The following ITGAX variants were observed in gnomAD, a reference collection of about 807,000 sequenced individuals.
The protein encoded by ITGAX is integrin subunit alpha X, also known as integrin alpha-X.
Under a neutral mutation model 140.2 loss-of-function variants are expected in ITGAX, and 99 were observed. The observed-to-expected ratio is 0.71, with a 90% CI of 0.60 to 0.83. ITGAX has a LOEUF of 0.83. Ranked by LOEUF, ITGAX falls within the 40% of genes least tolerant of loss-of-function variation. ITGAX has a pLI of 0.00. For synonymous variants in ITGAX, 631 were observed against 600.4 expected, an observed-to-expected ratio of 1.05 and a Z score of -0.75; for missense variants, 1,444 against 1,482.0, an observed-to-expected ratio of 0.97 and a Z score of 0.42.
rs943848531 is a variant in ITGAX at position 31,382,593 on chromosome 16, C to T, written c.*686C>T. On this transcript the variant is annotated 3_prime_UTR_variant, in exon 30 of 30. Coordinates refer to ENST00000268296, the MANE Select transcript of ITGAX (RefSeq NM_000887.5). ...CTCTGTGCCCCCATCACCCTCGTTTCCAGTGAATTAGTGTCATGTCAGCAT... is the reference window on the plus strand; with the variant it reads ...CTCTGTGCCCCCATCACCCTCGTTTTCAGTGAATTAGTGTCATGTCAGCAT... 1 of 726,286 alleles carries T rather than the reference C, an allele frequency of 1.4e-6. No homozygotes were observed. Among genetic ancestry groups the T allele is most frequent in the African/African-American group, 1.7e-5 (1 of 57,654 alleles). The allele number at this position is 726,286 out of a possible 1,614,324, so 45.0% of individuals were successfully genotyped here.
At position 31,381,018 on chromosome 16, in the gene ITGAX, TATGC is replaced by T; in HGVS notation, c.3387+12_3387+15del. 1.2e-6 allele frequency: 2 copies of T among 1,601,934 alleles called. No homozygotes were observed. Among genetic ancestry groups the T allele is most frequent in the Non-Finnish European group, 1.7e-6 (2 of 1,168,942 alleles). ...GCGGTACTGTACAAAGTGAGTGTTT[TATGC>T]CACTCTTGACACCACCAGCATCTGG... is the stretch of plus-strand genomic sequence containing the variant. On this transcript the variant is annotated intron_variant, in intron 29 of 29. Coordinates refer to ENST00000268296, the MANE Select transcript of ITGAX (RefSeq NM_000887.5).
At chr16:31,364,359 T>G (rs1323084301) in intron 14 of ITGAX, among the ~76,000 whole-genome samples, 1 of 145,386 alleles carries the variant, frequency 6.9e-6, no homozygotes, top group African/African-American at 2.6e-5. Context: ...CCCAGGAGGT[T>G]GAGGCTGCAG....
chr16:31,373,403 G>C lies in ITGAX; in HGVS notation c.2508+13G>C. ...GGCAGAGGGCCAGGTGCACCCTCTG[G>C]GGAAGGAGGAGGAGGCAGGGCTGGG... On this transcript the variant is annotated intron_variant, in intron 20 of 29. Coordinates refer to ENST00000268296, the MANE Select transcript of ITGAX (RefSeq NM_000887.5). 2 of 1,606,260 alleles carry C rather than the reference G, an allele frequency of 1.2e-6. No homozygotes were observed. The highest frequency in any genetic ancestry group is 1.7e-6 in the Non-Finnish European group (2 of 1,176,008).
intron 23 of ITGAX, among the ~76,000 whole-genome samples, chr16:31,378,705 A>T (rs2081041425): frequency 2.6e-5 from 4 of 151,882 alleles, no homozygotes; most frequent in Admixed American, 2.6e-4. Context: ...TCCTGGCCTC[A>T]AGTGATCCTC....
At chr16:31,367,479 C>A (rs2080903380) in intron 14 of ITGAX, among the ~76,000 whole-genome samples, 1 of 152,226 alleles carries the variant, frequency 6.6e-6, no homozygotes, top group Non-Finnish European at 1.5e-5. Flanking sequence ...TGGTCATTTA[C>A]CATTTGGAAA....
chr16:31,359,565 G>C, intron 5 of ITGAX, 135 bp from the exon 6 acceptor site: 1 of 967,548 alleles, frequency 1.0e-6, no homozygotes, highest in East Asian at 2.6e-5. Flanking sequence ...CCAGGGTGTG[G>C]AGCCTGACTC....
intron 14 of ITGAX, among the ~76,000 whole-genome samples, chr16:31,366,828 C>T (rs906066475): frequency 6.6e-6 from 1 of 152,300 alleles, no homozygotes; most frequent in Middle Eastern, 3.4e-3. Context: ...ATATCTCTCA[C>T]TTTAGATCAA....
rs1399679018 is a variant in ITGAX, at chr16:31,371,201, G to T, written c.1828G>T (p.Val610Leu). The T allele has an allele frequency of 6.2e-7, 1 of 1,609,566 alleles. No individual in the cohort carries two copies. The highest frequency in any genetic ancestry group is 8.5e-7 in the Non-Finnish European group (1 of 1,177,890). ...CCTGGCTGTGGGGGCCCGGGGCCAG[G>T]TGCTCCTGCTCAGGTGAGAGCAGCC... ...VDLAVGARGQ[V>L]LLLRTRPVLW... The change falls in exon 15 of 30, where the codon GTG becomes TTG. Residue 610 changes from valine (V) to leucine (L), a missense_variant. Val to Leu is a conservative substitution (Grantham distance 32). Transcript: ENST00000268296.
chr16:31,363,621 T>C (rs1269901518), intron 14 of ITGAX, among the ~76,000 whole-genome samples: 1 of 152,206 alleles, frequency 6.6e-6, no homozygotes, highest in Non-Finnish European at 1.5e-5. Flanking sequence ...ATTTTTTGTA[T>C]TTTAGTAGAG....
At chr16:31,363,510 G>T in intron 14 of ITGAX, 136 bp downstream of exon 14, 1 of 984,654 alleles carries the variant, frequency 1.0e-6, no homozygotes, top group Non-Finnish European at 1.6e-6. Flanking sequence ...GCAGTGGCGT[G>T]GTCTCAGCTC....
Position 31,362,645 on chromosome 16 carries a change from G to A in ITGAX, c.1251G>A (p.Val417=), listed in dbSNP as rs768761354. 12 of 1,613,036 alleles carry A rather than the reference G, an allele frequency of 7.4e-6. No individual in the cohort carries two copies. Among genetic ancestry groups the A allele is most frequent in the Admixed American group, 3.3e-5 (2 of 59,962 alleles). The part of the protein sequence containing the change: ...YSTELALWKG[V]QSLVLGAPRY... ...CCGAGCTGGCCCTCTGGAAAGGGGT[G>A]CAGAGCCTGGTCCTGGGGGCCCCCC... The change falls in exon 12 of 30, where the codon GTG becomes GTA. Residue 417 remains valine, a synonymous_variant. Coordinates refer to ENST00000268296, the MANE Select transcript of ITGAX (RefSeq NM_000887.5).
At chr16:31,361,646 C>T in intron 9 of ITGAX, 190 bp from the exon 10 acceptor site, 1 of 750,412 alleles carries the variant, frequency 1.3e-6, no homozygotes, top group Admixed American at 2.1e-5. Context: ...GCTGCCATCG[C>T]TGTCCACATC....
chr16:31,356,291 T>C, intron 2 of ITGAX: 1 of 429,278 alleles, frequency 2.3e-6, no homozygotes, highest in Non-Finnish European at 4.2e-6. Context: ...CTTTCTTTTT[T>C]TCTATACATT....
In ITGAX at chr16:31,356,719, G is replaced by C. The variant is rs143407533; in HGVS notation, c.238G>C (p.Gly80Arg). Residue 80 changes from glycine (G) to arginine (R), a missense_variant, in exon 3 of 30, where the codon GGC (glycine) becomes CGC (arginine). By Grantham distance (125) the Gly-to-Arg change is moderately radical (BLOSUM62 -2). Transcript: ENST00000268296. ...GYSTGACEPI[G>R]LQVPPEAVNM... ...CAGCACTGGTGCCTGTGAGCCCATC[G>C]GCCTGCAGGGTGAGTCACCGCCCCT... 1.9e-6 allele frequency: 3 copies of C among 1,585,562 alleles called. No individual in the cohort carries two copies. Among genetic ancestry groups the C allele is most frequent in the East Asian group, 2.3e-5 (1 of 44,002 alleles).
rs1200431290 is a variant in ITGAX, at chr16:31,380,375, G to A, written c.3170G>A (p.Arg1057His). Residue 1057 changes from arginine to histidine, a missense_variant, in exon 27 of 30, where the codon CGC becomes CAC. Physicochemically the swap from Arg to His is conservative, Grantham distance 29. Transcript: ENST00000268296. ...LKGNLSFGWVRQILQKKVSVV... is the reference protein window; with the variant it reads ...LKGNLSFGWVHQILQKKVSVV... ...GGCAACCTCAGCTTTGGCTGGGTCC[G>A]CCAGGTGTGTGGGTGCAACGACAGA... The A allele has an allele frequency of 9.9e-6, 16 of 1,613,750 alleles. No individual in the cohort carries two copies. The highest frequency in any genetic ancestry group is 3.3e-5 in the South Asian group (3 of 91,020).
chr16:31,382,239 T>C lies in ITGAX; in HGVS notation c.*332T>C, dbSNP rs958341644. On this transcript the variant is annotated 3_prime_UTR_variant, in exon 30 of 30. Transcript: ENST00000268296. ...TCTTTCTTTCCTTTCTTTTTTTTTTTTTTTCTTTTCTTTTTTTTTTTTTTG... is the reference window on the plus strand; with the variant it reads ...TCTTTCTTTCCTTTCTTTTTTTTTTCTTTTCTTTTCTTTTTTTTTTTTTTG... The C allele has an allele frequency of 2.0e-5, 24 of 1,175,438 alleles. No individual in the cohort carries two copies. The highest frequency in any genetic ancestry group is 3.7e-5 in the Admixed American group (1 of 26,882). 72.8% of individuals were successfully genotyped at this position (1,175,438 alleles called of 1,614,324 possible).
chr16:31,361,508 C>T (rs1435155478), intron 9 of ITGAX: 2 of 674,814 alleles, frequency 3.0e-6, no homozygotes, highest in African/African-American at 3.6e-5. Flanking sequence ...CCCTTCCACC[C>T]ACACCGGGCC....
chr16:31,382,742 G>C lies in ITGAX; in HGVS notation c.*835G>C. 1.9e-6 allele frequency: 1 copy of C among 529,714 alleles called. No homozygotes were observed. Among genetic ancestry groups the C allele is most frequent in the Non-Finnish European group, 3.4e-6 (1 of 295,938 alleles). The allele number at this position is 529,714 out of a possible 1,614,324, so 32.8% of individuals were successfully genotyped here. A position where few individuals can be genotyped will look rare whatever the true frequency, so the allele number is the denominator to read the frequency against. On this transcript the variant is annotated 3_prime_UTR_variant, in exon 30 of 30. Coordinates refer to ENST00000268296, the MANE Select transcript of ITGAX (RefSeq NM_000887.5). ...CGTTGGGCAACATTGCTGGCTGGAA[G>C]GGAGGAGCGCCCTCTAGGGAGGGAC...
chr16:31,366,945 TG>T (rs1244508963), intron 14 of ITGAX, among the ~76,000 whole-genome samples: 1 of 152,172 alleles, frequency 6.6e-6, no homozygotes, highest in Non-Finnish European at 1.5e-5. Context: ...AAAAAGTTAT[TG>T]AAGGAAATTA....
Sources: allele counts gnomAD v4.1 joint callset (sites outside exome capture counted in the v4.1 genomes callset), GRCh38; gene constraint gnomAD v4.1.1; transcripts MANE v1.5; gene names NCBI Gene and HGNC (gene_info 2026-07-23, HGNC 2026-07-21).